The following GPR107 variants were observed in gnomAD, a reference collection of about 807,000 sequenced individuals.
The protein encoded by GPR107 is G protein-coupled receptor 107.
GPR107 carries 31 observed loss-of-function variants against 75.5 expected under a neutral mutation model. The ratio of observed to expected loss-of-function variants is 0.41; its 90% CI spans 0.31 to 0.55. The LOEUF (loss-of-function observed/expected upper bound fraction) is 0.55, where lower values mean the gene tolerates loss of function less well. Among genes scored for constraint, GPR107 ranks in the 20% least tolerant of loss-of-function variants. GPR107 has a pLI of 0.26. For missense variants in GPR107, 572 were observed against 665.7 expected, an observed-to-expected ratio of 0.86 and a Z score of 1.55; for synonymous variants, 267 against 251.3, an observed-to-expected ratio of 1.06 and a Z score of -0.59.
In GPR107 at chr9:130,137,858, A is replaced by G. The variant is rs928806527; in HGVS notation, c.*2737A>G. 1 of 152,280 alleles carries G rather than the reference A, an allele frequency of 6.6e-6. No individual in the cohort carries two copies. The highest frequency in any genetic ancestry group is 2.1e-4 in the South Asian group (1 of 4,836). 9.4% of individuals were successfully genotyped at this position (152,280 alleles called of 1,614,324 possible). ...AGATCGGGCAAAAAATATCGGATGCACATAGCAGAACCATTGGTGGTATTT... is the reference window on the plus strand; with the variant it reads ...AGATCGGGCAAAAAATATCGGATGCGCATAGCAGAACCATTGGTGGTATTT... On this transcript the variant is annotated 3_prime_UTR_variant, in exon 18 of 18. Coordinates refer to ENST00000347136, the MANE Select transcript of GPR107 (RefSeq NM_020960.5).
intron 14 of GPR107, among the ~76,000 whole-genome samples, chr9:130,116,058 C>A (rs1413746939): frequency 6.6e-6 from 1 of 152,234 alleles, no homozygotes; most frequent in East Asian, 1.9e-4. Flanking sequence ...ATGAAATAAT[C>A]CATTAACCAG....
chr9:130,085,793 C>T (rs1327617043), intron 6 of GPR107, among the ~76,000 whole-genome samples: 1 of 100,548 alleles, frequency 9.9e-6, no homozygotes, highest in African/African-American at 4.0e-5. Context: ...CGCAGTCTTG[C>T]TCTACCACCC....
chr9:130,127,737 C>CT (rs879765924), intron 16 of GPR107, among the ~76,000 whole-genome samples, 171 bp downstream of exon 16: 4 of 152,120 alleles, frequency 2.6e-5, no homozygotes, highest in Non-Finnish European at 5.9e-5. Flanking sequence ...GGGTCTCACT[C>CT]TGTCACCCAG....
intron 14 of GPR107, among the ~76,000 whole-genome samples, chr9:130,123,587 T>G (rs1485055433): frequency 2.1e-5 from 3 of 144,846 alleles, no homozygotes; most frequent in African/African-American, 7.7e-5. Context: ...CAGGTTGGTC[T>G]CAAACTCCTG....
chr9:130,101,626 G>A (rs1831033430), intron 12 of GPR107, among the ~76,000 whole-genome samples: 1 of 152,230 alleles, frequency 6.6e-6, no homozygotes, highest in African/African-American at 2.4e-5. Context: ...GTTTCCACAG[G>A]TAGAATATGG....
Position 130,130,877 on chromosome 9 carries a change from GAA to G in GPR107, c.1562+2131_1562+2132del, listed in dbSNP as rs113310099. Among the ~76,000 whole-genome samples the G allele has an allele frequency of 8.6e-3, 1,170 of 135,614 alleles. 15 individuals are homozygous for G. The highest frequency in any genetic ancestry group is 0.031 in the African/African-American group (1,109 of 36,184). The allele number at this position is 135,614 out of a possible 152,430, so 89.0% of individuals were successfully genotyped here. A position where few individuals can be genotyped will look rare whatever the true frequency, so the allele number is the denominator to read the frequency against. ...GAGAGTGAAACTCCGTCTCAAAAAAGAAAAAAAAAAAAAAAACGCATGAATCC... is the reference window on the plus strand; with the variant it reads ...GAGAGTGAAACTCCGTCTCAAAAAAGAAAAAAAAAAAAAACGCATGAATCC... On this transcript the variant is annotated intron_variant, in intron 17 of 17. Transcript: ENST00000347136.
Position 130,101,265 on chromosome 9 carries a change from G to A in GPR107, c.1131+42G>A, listed in dbSNP as rs754808772. ...CCCATTTGTCACTTCCTTTCTTGGC[G>A]CTTAGCAGGGCTCAGCTCCAAGCCT... On this transcript the variant is annotated intron_variant, in intron 12 of 17. Transcript: ENST00000347136. The A allele has an allele frequency of 1.2e-5, 13 of 1,043,026 alleles. No homozygotes were observed. The African/African-American group carries it at 1.4e-4, about 11-fold the overall frequency. The allele number at this position is 1,043,026 out of a possible 1,614,324, so 64.6% of individuals were successfully genotyped here. A position where few individuals can be genotyped will look rare whatever the true frequency, so the allele number is the denominator to read the frequency against.
At chr9:130,124,491 G>T (rs1831625418) in intron 14 of GPR107, among the ~76,000 whole-genome samples, 2 of 152,206 alleles carry the variant, frequency 1.3e-5, no homozygotes, top group South Asian at 4.1e-4. Context: ...ACCCCCCCAG[G>T]TGGTTCTCTG....
intron 1 of GPR107, among the ~76,000 whole-genome samples, chr9:130,075,313 C>T (rs1475304075): frequency 1.4e-5 from 2 of 140,558 alleles, no homozygotes; most frequent in Non-Finnish European, 3.0e-5. Flanking sequence ...GGCATGATCT[C>T]GGCTCACTGC....
chr9:130,085,874 C>T (rs561835776), intron 6 of GPR107, among the ~76,000 whole-genome samples: 16 of 150,468 alleles, frequency 1.1e-4, no homozygotes, highest in African/African-American at 2.9e-4. Flanking sequence ...CCTCAGCCTC[C>T]GGAGTAGCTG....
At chr9:130,129,715 G>A (rs76863646) in intron 17 of GPR107, 2,845 of 152,456 alleles carry the variant, frequency 0.019, 43 homozygotes, top group Middle Eastern at 0.034. Context: ...GCAAGTGTCT[G>A]TTGGTTGAAG....
At chr9:130,110,707 G>A (rs1344469454) in intron 14 of GPR107, among the ~76,000 whole-genome samples, 1 of 152,208 alleles carries the variant, frequency 6.6e-6, no homozygotes, top group Admixed American at 6.5e-5. Context: ...CTCAGGAATG[G>A]CCTGTGCTGG....
intron 1 of GPR107, among the ~76,000 whole-genome samples, chr9:130,056,971 TTGGGCCGCATTCAAAGCCATCC>T (rs1252709094): frequency 6.8e-6 from 1 of 146,168 alleles, no homozygotes; most frequent in Non-Finnish European, 1.5e-5. Flanking sequence ...CAAATTTGTG[TTGGGCCGCATTCAAAGCCATCC>T]TGGGCCGCAT....
chr9:130,107,643 T>C, intron 14 of GPR107, 104 bp downstream of exon 14: 2 of 827,468 alleles, frequency 2.4e-6, no homozygotes, highest in Non-Finnish European at 4.3e-6. Flanking sequence ...AGATGCTGTC[T>C]TCCTGGGAGG....
chr9:130,078,736 A>C (rs566075487), intron 4 of GPR107, among the ~76,000 whole-genome samples: 14 of 152,340 alleles, frequency 9.2e-5, no homozygotes, highest in African/African-American at 2.6e-4. Flanking sequence ...ATTCATATCC[A>C]GCCAAGGGAC....
At chr9:130,095,206 CAT>C (rs1564672264) in intron 9 of GPR107, among the ~76,000 whole-genome samples, 1 of 151,784 alleles carries the variant, frequency 6.6e-6, no homozygotes, top group African/African-American at 2.4e-5. Context: ...GATTCTTAGA[CAT>C]GTTGTGTGAT....
At chr9:130,080,947 C>T (rs1830481839) in intron 5 of GPR107, among the ~76,000 whole-genome samples, 1 of 151,490 alleles carries the variant, frequency 6.6e-6, no homozygotes, top group Non-Finnish European at 1.5e-5. Flanking sequence ...CAGTGGCTCA[C>T]GCCTATAATC....
rs191923291 is a variant in GPR107 at position 130,137,103 on chromosome 9, T to G, written c.*1982T>G. On this transcript the variant is annotated 3_prime_UTR_variant, in exon 18 of 18. Coordinates refer to ENST00000347136, the MANE Select transcript of GPR107 (RefSeq NM_020960.5). ...AGTCCTTCCCTCAGAGGGACACATT[T>G]GCTGTTTCTCCCGCAAGCAGATGTT... The G allele has an allele frequency of 1.3e-5, 2 of 152,348 alleles. No individual in the cohort carries two copies. The highest frequency in any genetic ancestry group is 2.4e-5 in the African/African-American group (1 of 41,580). The allele number at this position is 152,348 out of a possible 1,614,324, so 9.4% of individuals were successfully genotyped here.
intron 6 of GPR107, among the ~76,000 whole-genome samples, 183 bp downstream of exon 6, chr9:130,083,785 T>C (rs554488688): frequency 3.8e-4 from 58 of 152,092 alleles, no homozygotes; most frequent in African/African-American, 1.3e-3. Context: ...AATATCAAAA[T>C]CAGTAGATGC....
Sources: gnomAD v4.1 joint callset for allele counts (sites outside exome capture counted in the v4.1 genomes callset) on GRCh38, gnomAD v4.1.1 for gene constraint, MANE v1.5 for transcripts, NCBI Gene and HGNC (gene_info 2026-07-23, HGNC 2026-07-21) for gene names.